The following GPC1 variants were observed in gnomAD, a reference collection of about 807,000 sequenced individuals.
GPC1 encodes glypican-1.
In GPC1, 26 loss-of-function variants were observed where a neutral mutation model predicts 51.5. The observed-to-expected ratio is 0.50, with a 90% CI of 0.37 to 0.70. The LOEUF (loss-of-function observed/expected upper bound fraction) is 0.70, where lower values mean the gene tolerates loss of function less well. Among genes scored for constraint, GPC1 ranks in the 30% least tolerant of loss-of-function variants. GPC1 has a pLI of 0.00. For synonymous variants in GPC1, 380 were observed against 348.3 expected (o/e 1.09, Z -1.01); for missense variants, 775 against 800.5 (o/e 0.97, Z 0.38).
chr2:240,450,953 T>C (rs546626041), intron 1 of GPC1: 143 of 386,664 alleles, frequency 3.7e-4, no homozygotes, highest in African/African-American at 3.2e-3. Flanking sequence ...GCATGTGAGA[T>C]GGAGGGAAGT....
At position 240,448,820 on chromosome 2, in the gene GPC1, A is replaced by C. The variant is rs1374437831; in HGVS notation, c.167-10210A>C. 6.6e-6 allele frequency among the ~76,000 whole-genome samples: 1 copy of C among 152,048 alleles called. No individual in the cohort carries two copies. The highest frequency in any genetic ancestry group is 2.4e-5 in the African/African-American group (1 of 41,398). On this transcript the variant is annotated intron_variant, in intron 1 of 8. Coordinates refer to ENST00000264039, the MANE Select transcript of GPC1 (RefSeq NM_002081.3). This position sits in a 1 kb window ranked among gnomAD's most constrained non-coding sequence, Gnocchi z 4.5. ...TGAGGCCCAACTAGGTTTCAGCAGCACCTGGCCAGCAATGGGATAGTCAGG... is the reference window on the plus strand; with the variant it reads ...TGAGGCCCAACTAGGTTTCAGCAGCCCCTGGCCAGCAATGGGATAGTCAGG...
chr2:240,464,378 A>C, intron 4 of GPC1: 1 of 518,552 alleles, frequency 1.9e-6, no homozygotes, highest in Non-Finnish European at 3.5e-6. Flanking sequence ...GCCTCTGTGT[A>C]TGTGCGTGTT....
At chr2:240,445,097 A>C (rs1001387132) in intron 1 of GPC1, among the ~76,000 whole-genome samples, 2 of 152,148 alleles carry the variant, frequency 1.3e-5, no homozygotes, top group East Asian at 1.9e-4. Flanking sequence ...CCTGAACGCG[A>C]TGCCCCCTCC....
intron 1 of GPC1, chr2:240,458,219 A>T (rs2074186601): frequency 7.7e-6 from 3 of 390,714 alleles, no homozygotes; most frequent in South Asian, 3.8e-5. Context: ...GATGCCACAC[A>T]CCCATTCCAG....
chr2:240,458,879 C>G, intron 1 of GPC1, 151 bp from the exon 2 acceptor site: 1 of 639,114 alleles, frequency 1.6e-6, no homozygotes, highest in South Asian at 2.0e-5. Context: ...CCGACCACTT[C>G]TGCCTTCACC....
chr2:240,444,290 A>G (rs1043976723), intron 1 of GPC1, among the ~76,000 whole-genome samples: 3 of 152,182 alleles, frequency 2.0e-5, no homozygotes, highest in Admixed American at 6.5e-5. Flanking sequence ...TGGGCGGGCC[A>G]GGAAGTACAA....
chr2:240,460,716 T>TG (rs1167890066), intron 2 of GPC1, among the ~76,000 whole-genome samples: 3 of 152,164 alleles, frequency 2.0e-5, no homozygotes, highest in Non-Finnish European at 4.4e-5. Context: ...AGACACCCTT[T>TG]GGGGACATTT....
chr2:240,466,631 A>G lies in GPC1; in HGVS notation c.*341A>G. 3.7e-6 allele frequency: 1 copy of G among 266,814 alleles called. No individual in the cohort carries two copies. The highest frequency in any genetic ancestry group is 7.0e-6 in the Non-Finnish European group (1 of 141,958). 16.5% of individuals were successfully genotyped at this position (266,814 alleles called of 1,614,324 possible). On this transcript the variant is annotated 3_prime_UTR_variant, in exon 9 of 9. Transcript: ENST00000264039. ...TCGAGGCCTACAGAGGAGGCCTCAA[A>G]GCAACCCGCTGGAGCCCACAGCGAG...
chr2:240,453,011 C>T, intron 1 of GPC1: 1 of 353,872 alleles, frequency 2.8e-6, no homozygotes, highest in South Asian at 1.9e-5. Flanking sequence ...CTGGAGCCGC[C>T]GCTGCGAAGG....
intron 4 of GPC1, chr2:240,464,016 A>C: frequency 4.8e-6 from 1 of 207,760 alleles, no homozygotes; most frequent in Non-Finnish European, 9.8e-6. Context: ...GTACATGCTT[A>C]TCCAGATCCA....
At chr2:240,457,482 T>G (rs1267103982) in intron 1 of GPC1, 1 of 469,978 alleles carries the variant, frequency 2.1e-6, no homozygotes, top group Admixed American at 2.4e-5. Flanking sequence ...AGTTACCTAG[T>G]CCTGGGTCCC....
At chr2:240,438,156 C>T (rs931903944) in intron 1 of GPC1, among the ~76,000 whole-genome samples, 2 of 152,180 alleles carry the variant, frequency 1.3e-5, no homozygotes, top group African/African-American at 2.4e-5. Context: ...TGCCAGGGCT[C>T]GGGGTGCCAC....
At chr2:240,458,966 G>A in intron 1 of GPC1, 64 bp from the exon 2 acceptor site, 1 of 1,485,558 alleles carries the variant, frequency 6.7e-7, no homozygotes, top group Non-Finnish European at 9.3e-7. Context: ...GAGAGCCTGA[G>A]GGTGCCCTCC....
intron 4 of GPC1, chr2:240,463,734 G>A: frequency 1.8e-6 from 1 of 568,708 alleles, no homozygotes; most frequent in Non-Finnish European, 3.1e-6. Flanking sequence ...CAGGGAGGGA[G>A]CCCTGTGGGG....
intron 1 of GPC1, chr2:240,457,378 C>G: frequency 2.2e-6 from 1 of 460,192 alleles, no homozygotes; most frequent in Non-Finnish European, 4.6e-6. Context: ...TCTCTGTTCC[C>G]TTCTCTTGTC....
chr2:240,435,885 C>T lies in GPC1; in HGVS notation c.-34C>T. On this transcript the variant is annotated 5_prime_UTR_variant, in exon 1 of 9. Transcript: ENST00000264039. ...ACCCGGCCAGGATCCGAGAGAGGCG[C>T]GGGCGGGTGGCCGGGGGCGCCGCCG... 3 of 1,204,852 alleles carry T rather than the reference C, an allele frequency of 2.5e-6. No homozygotes were observed. Among genetic ancestry groups the T allele is most frequent in the Non-Finnish European group, 3.1e-6 (3 of 964,828 alleles). 74.6% of individuals were successfully genotyped at this position (1,204,852 alleles called of 1,614,324 possible). A position where few individuals can be genotyped will look rare whatever the true frequency, so the allele number is the denominator to read the frequency against.
intron 1 of GPC1, chr2:240,449,689 C>T (rs991444034): frequency 5.5e-6 from 2 of 366,700 alleles, no homozygotes; most frequent in East Asian, 1.5e-4. Context: ...AAACTCTGTC[C>T]CCATTAAACA....
At position 240,462,269 on chromosome 2, in the gene GPC1, C is replaced by CG; in HGVS notation, c.405dup (p.Gln136AlafsTer51). ...CCCGGCGCCTTCGGAGAGCTGTACA[C>CG]GCAGAACGCGAGGGCCTTCCGGGAC... On this transcript the variant is annotated frameshift_variant, in exon 3 of 9. Transcript: ENST00000264039. LOFTEE classifies it high-confidence loss of function. 1 of 1,610,378 alleles carries CG rather than the reference C, an allele frequency of 6.2e-7. No individual in the cohort carries two copies. Among genetic ancestry groups the CG allele is most frequent in the Non-Finnish European group, 8.5e-7 (1 of 1,178,894 alleles).
At chr2:240,459,933 G>A (rs921558572) in intron 2 of GPC1, among the ~76,000 whole-genome samples, 9 of 152,136 alleles carry the variant, frequency 5.9e-5, no homozygotes, top group South Asian at 2.1e-4. Flanking sequence ...CCCTGTGTCC[G>A]GGCGGAGCCA....
Sources: allele counts gnomAD v4.1 joint callset (sites outside exome capture counted in the v4.1 genomes callset), GRCh38; gene constraint gnomAD v4.1.1; non-coding constraint Gnocchi (gnomAD v3.1); transcripts MANE v1.5; gene names NCBI Gene and HGNC (gene_info 2026-07-23, HGNC 2026-07-21).